TTN: variants seen among roughly 807,000 people sequenced by gnomAD.
TTN encodes the protein titin, also known as connectin.
A neutral mutation model predicts 3,223.0 loss-of-function variants in TTN; 1,525 were observed. The observed-to-expected ratio is 0.47, with a 90% CI of 0.45 to 0.49. The LOEUF is 0.49. TTN is among the 20% of genes least tolerant of loss of function. The pLI is 0.00. For synonymous variants in TTN, 14,094 were observed against 15,161.0 expected (o/e 0.93, Z 5.17); for missense variants, 40,786 against 43,424.0 (o/e 0.94, Z 5.40).
In TTN at chr2:178,564,608, C is replaced by G; in HGVS notation, c.81524G>C (p.Gly27175Ala). Residue 27175 changes from glycine to alanine, a missense_variant, in exon 326 of 363, where the codon GGT (glycine) becomes GCT (alanine). Gly to Ala is a moderately conservative substitution (Grantham distance 60, BLOSUM62 0). Transcript: ENST00000589042. ...TGTAATAACAATGGCTTCAGGGCGA[C>G]CAGGTGGGTCACATGGATCACGAGC... ...FVARDPCDPP[G>A]RPEAIVITRN... The G allele has an allele frequency of 6.2e-7, 1 of 1,613,502 alleles. No homozygotes were observed.
chr2:178,617,578 TAATC>T, intron 253 of TTN, 66 bp from the exon 254 acceptor site: 1 of 1,457,554 alleles, frequency 6.9e-7, no homozygotes, highest in Non-Finnish European at 9.2e-7. Context: ...AACAGTGTTG[TAATC>T]AATTATATCA....
intron 41 of TTN, among the ~76,000 whole-genome samples, 161 bp downstream of exon 41, chr2:178,766,220 C>G (rs1190118242): frequency 6.6e-6 from 1 of 152,136 alleles, no homozygotes; most frequent in African/African-American, 2.4e-5. Flanking sequence ...CAGCTGCCCT[C>G]CCTTTTCCAT....
chr2:178,559,482 T>C lies in TTN; in HGVS notation c.86650A>G (p.Lys28884Glu), dbSNP rs761832458. The C allele has an allele frequency of 1.9e-6, 3 of 1,613,592 alleles. No homozygotes were observed. Among genetic ancestry groups the C allele is most frequent in the South Asian group, 1.1e-5 (1 of 91,072 alleles). ...CATGCTTTCTTGCTGGCCTCACGTT[T>C]TTCTATGTGGTAATTCTTCACTGGT... ...GAPVKNYHIEKREASKKAWVS... is the reference protein window; with the variant it reads ...GAPVKNYHIEEREASKKAWVS... The change falls in exon 326 of 363, where the codon AAA (lysine) becomes GAA (glutamate). Residue 28884 changes from lysine to glutamate, a missense_variant. Coordinates refer to ENST00000589042, the MANE Select transcript of TTN (RefSeq NM_001267550.2).
rs978865724 is a variant in TTN, at chr2:178,708,875, T to C, written c.28753+691A>G. Among the ~76,000 whole-genome samples the C allele has an allele frequency of 3.9e-5, 6 of 152,170 alleles. No individual in the cohort carries two copies. The East Asian group carries it at 7.7e-4, about 20-fold the overall frequency. On this transcript the variant is annotated intron_variant, in intron 99 of 362. Coordinates refer to ENST00000589042, the MANE Select transcript of TTN (RefSeq NM_001267550.2). ...GCTGCTCTAGGAGGTTAGTTTTTAA[T>C]GTGATTTTGATGAAGCTATGTTGTA...
At chr2:178,613,971 G>A in intron 262 of TTN, 34 bp from the exon 263 acceptor site, 6 of 1,608,536 alleles carry the variant, frequency 3.7e-6, no homozygotes, top group Non-Finnish European at 5.1e-6. Flanking sequence ...AATGTTATAT[G>A]TCCTGTATAT....
At chr2:178,550,815 CT>C (rs1399723380) in intron 336 of TTN, 151 bp downstream of exon 336, 5 of 685,022 alleles carry the variant, frequency 7.3e-6, no homozygotes, top group African/African-American at 1.8e-5. Context: ...TTTTTTTCTT[CT>C]TTTCATCTGA....
Position 178,680,000 on chromosome 2 carries a change from A to G in TTN, c.33474T>C (p.Val11158=). ...CAAGATATTCTTCTACATGGGTTACAACTTCCTCTTCAAAGGCAACCTCTT... is the reference window on the plus strand; with the variant it reads ...CAAGATATTCTTCTACATGGGTTACGACTTCCTCTTCAAAGGCAACCTCTT... ...EPEEVAFEEE[V]VTHVEEYLVE... The change falls in exon 140 of 363, where the codon GTT becomes GTC. Residue 11158 remains valine (V), a synonymous_variant. Coordinates refer to ENST00000589042, the MANE Select transcript of TTN (RefSeq NM_001267550.2). The G allele has an allele frequency of 6.2e-7, 1 of 1,613,222 alleles. No individual in the cohort carries two copies. The highest frequency in any genetic ancestry group is 1.1e-5 in the South Asian group (1 of 91,068).
chr2:178,771,714 GAATT>G (rs970613422), intron 33 of TTN, among the ~76,000 whole-genome samples: 15 of 152,096 alleles, frequency 9.9e-5, no homozygotes, highest in African/African-American at 3.6e-4. Flanking sequence ...AATAACTGTT[GAATT>G]AATAGGAAAT....
In TTN at chr2:178,773,539, C is replaced by T. The variant is rs758719859; in HGVS notation, c.7517G>A (p.Arg2506Gln). 17 of 1,613,864 alleles carry T rather than the reference C, an allele frequency of 1.1e-5. No individual in the cohort carries two copies. The highest frequency in any genetic ancestry group is 8.3e-5 in the Admixed American group (5 of 59,962). The change falls in exon 32 of 363, where the codon CGA becomes CAA. Residue 2506 changes from arginine (R) to glutamine (Q), a missense_variant. Arg to Gln is a conservative substitution (Grantham distance 43, BLOSUM62 1). Coordinates refer to ENST00000589042, the MANE Select transcript of TTN (RefSeq NM_001267550.2). The stretch of plus-strand genomic sequence containing the variant: ...AGGTCCTTCGTCTGAAGCATGAGTT[C>T]GGTTAATGACTAGTCGCTGTTTAGT... ...KGTKQRLVINRTHASDEGPYK... is the reference protein window; with the variant it reads ...KGTKQRLVINQTHASDEGPYK...
In TTN at chr2:178,548,141, T is replaced by G. The variant is rs1553529185; in HGVS notation, c.93485A>C (p.Glu31162Ala). 2 of 1,613,850 alleles carry G rather than the reference T, an allele frequency of 1.2e-6. No homozygotes were observed. The part of the protein sequence containing the change: ...MRQKGSDFWV[E>A]AGHTKQLTFT... ...AGTTAGCTGTTTGGTGTGACCAGCT[T>G]CAACCCAGAAGTCAGATCCCTTTTG... The change falls in exon 339 of 363, where the codon GAA becomes GCA. Residue 31162 changes from glutamate to alanine, a missense_variant. Glu to Ala is a moderately radical substitution (Grantham distance 107). Coordinates refer to ENST00000589042, the MANE Select transcript of TTN (RefSeq NM_001267550.2). This position sits in a 1 kb window ranked among gnomAD's most constrained non-coding sequence, Gnocchi z 4.3.
Position 178,618,598 on chromosome 2 carries a change from TTGA to T in TTN, c.46949_46951del (p.Ile15650del). 1 of 1,611,972 alleles carries T rather than the reference TTGA, an allele frequency of 6.2e-7. No homozygotes were observed. Among genetic ancestry groups the T allele is most frequent in the Admixed American group, 1.7e-5 (1 of 59,816 alleles). ...CAAGGGCTTACCAATAACTTTTAAATTGATGAATCCTTCTGCTTTTCCATGTTT... is the reference window on the plus strand; with the variant it reads ...CAAGGGCTTACCAATAACTTTTAAATTGAATCCTTCTGCTTTTCCATGTTT... On this transcript the variant is annotated inframe_deletion, in exon 251 of 363. Transcript: ENST00000589042.
At position 178,620,321 on chromosome 2, in the gene TTN, C is replaced by G. The variant is rs745948750; in HGVS notation, c.46200G>C (p.Gln15400His). ...PTEFVEHLED[Q>H]TVTEFDDAVF... Reference sequence around the variant, plus strand: ...CAGCGTCATCGAACTCAGTGACTGTCTGATCTTCCAAGTGTTCCACAAATT... The same window carrying G: ...CAGCGTCATCGAACTCAGTGACTGTGTGATCTTCCAAGTGTTCCACAAATT... Residue 15400 changes from glutamine to histidine, a missense_variant, in exon 248 of 363, where the codon CAG (glutamine) becomes CAC (histidine). Transcript: ENST00000589042. 6.3e-7 allele frequency: 1 copy of G among 1,588,876 alleles called. No homozygotes were observed. Among genetic ancestry groups the G allele is most frequent in the South Asian group, 1.2e-5 (1 of 86,454 alleles).
At chr2:178,750,101 G>A (rs2154329725) in intron 47 of TTN, 10 of 1,613,168 alleles carry the variant, frequency 6.2e-6, no homozygotes, top group Non-Finnish European at 7.6e-6. Flanking sequence ...TACAGGAAAG[G>A]AAAGCAATTC....
chr2:178,592,320 T>C (rs1462702383), intron 301 of TTN, 43 bp from the exon 302 acceptor site: 1 of 1,600,864 alleles, frequency 6.2e-7, no homozygotes. Flanking sequence ...ATTTTATCCA[T>C]ATAAGAGCTC....
chr2:178,705,083 A>G (rs2154291496), intron 103 of TTN, 91 bp downstream of exon 103: 3 of 1,576,184 alleles, frequency 1.9e-6, no homozygotes, highest in East Asian at 4.5e-5. Flanking sequence ...ATGACGTCAT[A>G]TAACTATAGG....
rs751398376 is a variant in TTN at position 178,609,836 on chromosome 2, C to A, written c.51587G>T (p.Arg17196Ile). 9 of 1,612,870 alleles carry A rather than the reference C, an allele frequency of 5.6e-6. No individual in the cohort carries two copies. The highest frequency in any genetic ancestry group is 7.6e-6 in the Non-Finnish European group (9 of 1,179,282). The change falls in exon 272 of 363, where the codon AGA becomes ATA. Residue 17196 changes from arginine (R) to isoleucine (I), a missense_variant. Coordinates refer to ENST00000589042, the MANE Select transcript of TTN (RefSeq NM_001267550.2). The stretch of plus-strand genomic sequence containing the variant: ...GATTGGTACCAGGTGTTCATTGCAT[C>A]TCTTCCACCTTTCTTCACCCTTAGC... ...KIAKGEERWKRCNEHLVPILT... is the reference protein window; with the variant it reads ...KIAKGEERWKICNEHLVPILT...
At chr2:178,755,490 C>T (rs2086671327) in intron 46 of TTN, among the ~76,000 whole-genome samples, 1 of 152,212 alleles carries the variant, frequency 6.6e-6, no homozygotes, top group East Asian at 1.9e-4. Context: ...GGCTGGAGTA[C>T]AGTGACCCTA....
chr2:178,766,637 ACAAC>A, intron 40 of TTN, 25 bp from the exon 41 acceptor site: 1 of 1,561,038 alleles, frequency 6.4e-7, no homozygotes, highest in South Asian at 1.1e-5. Flanking sequence ...ACATAAAAAA[ACAAC>A]AACAACAACA....
Position 178,543,132 on chromosome 2 carries a change from T to C in TTN, c.96841A>G (p.Asn32281Asp). The change falls in exon 347 of 363, where the codon AAT becomes GAT. Residue 32281 changes from asparagine to aspartate, a missense_variant. By Grantham distance (23) the Asn-to-Asp change is conservative (BLOSUM62 1). Coordinates refer to ENST00000589042, the MANE Select transcript of TTN (RefSeq NM_001267550.2). ...EQYLFRIRAQNEKGVSEPRET... is the reference protein window; with the variant it reads ...EQYLFRIRAQDEKGVSEPRET... Reference sequence around the variant, plus strand: ...CTTGGTTCTGACACACCTTTCTCATTTTGTGCCCTTATTCTAAATAAGTAT... The same window carrying C: ...CTTGGTTCTGACACACCTTTCTCATCTTGTGCCCTTATTCTAAATAAGTAT... 1 of 1,611,980 alleles carries C rather than the reference T, an allele frequency of 6.2e-7. No homozygotes were observed. Among genetic ancestry groups the C allele is most frequent in the Non-Finnish European group, 8.5e-7 (1 of 1,178,346 alleles).
Sources: gnomAD v4.1 joint callset for allele counts (sites outside exome capture counted in the v4.1 genomes callset) on GRCh38, gnomAD v4.1.1 for gene constraint, Gnocchi (gnomAD v3.1) non-coding constraint, MANE v1.5 for transcripts, NCBI Gene and HGNC (gene_info 2026-07-23, HGNC 2026-07-21) for gene names.